ERGIC3: variants seen among roughly 807,000 people sequenced by gnomAD.
The protein encoded by ERGIC3 is endoplasmic reticulum-Golgi intermediate compartment protein 3.
Under a neutral mutation model 54.7 loss-of-function variants are expected in ERGIC3, and 33 were observed. The observed-to-expected ratio is 0.60, with a 90% CI of 0.46 to 0.81. The LOEUF is 0.81. ERGIC3 is among the 30% of genes least tolerant of loss of function. ERGIC3 has a pLI of 0.00. For missense variants in ERGIC3, 399 were observed against 488.4 expected (o/e 0.82, Z 1.73); for synonymous variants, 186 against 189.8 (o/e 0.98, Z 0.16).
At chr20:35,557,148 C>G (rs1568874025) in intron 11 of ERGIC3, 39 bp downstream of exon 11, 15 of 1,614,218 alleles carry the variant, frequency 9.3e-6, no homozygotes, top group Non-Finnish European at 1.3e-5. Context: ...GGGCCTGGGC[C>G]TGAGGGAGGA....
Position 35,548,803 on chromosome 20 carries a change from T to C in ERGIC3, c.628-5T>C. On this transcript the variant is annotated splice_polypyrimidine_tract_variant and splice_region_variant and intron_variant, in intron 6 of 12. Coordinates refer to ENST00000348547, the MANE Select transcript of ERGIC3 (RefSeq NM_015966.3). ...CCAGTGAATGAGAGAGAATGTTCCT[T>C]ACAGGTGGCCGGAAACTTCCACTTT... 6.2e-7 allele frequency: 1 copy of C among 1,614,216 alleles called. No individual in the cohort carries two copies. Among genetic ancestry groups the C allele is most frequent in the South Asian group, 1.1e-5 (1 of 91,084 alleles).
At chr20:35,543,347 T>C in intron 4 of ERGIC3, 1 of 335,410 alleles carries the variant, frequency 3.0e-6, no homozygotes, top group East Asian at 7.6e-5. Flanking sequence ...TTAATGAGAA[T>C]TTAGGTTCTC....
intron 4 of ERGIC3, chr20:35,544,015 T>TATC (rs2064632487): frequency 4.7e-5 from 1 of 21,212 alleles, no homozygotes; most frequent in Non-Finnish European, 8.3e-5. Context: ...AAGAATCTAC[T>TATC]ATCTATCTAT....
chr20:35,556,673 G>C (rs1169641918), intron 10 of ERGIC3: 4 of 519,618 alleles, frequency 7.7e-6, no homozygotes, highest in Admixed American at 6.4e-5. Context: ...AGTCAGGTCA[G>C]CCTTGGTGCG....
intron 7 of ERGIC3, chr20:35,554,767 G>A: frequency 1.7e-6 from 1 of 596,598 alleles, no homozygotes; most frequent in Non-Finnish European, 3.0e-6. Context: ...GGAGATGCAG[G>A]CAGGGCCATG....
chr20:35,548,935 T>G, intron 7 of ERGIC3, 70 bp downstream of exon 7: 1 of 1,555,706 alleles, frequency 6.4e-7, no homozygotes, highest in Non-Finnish European at 8.9e-7. Flanking sequence ...AGTGGTCCTC[T>G]TCTGCCTGCT....
In ERGIC3 at chr20:35,548,797, G is replaced by C; in HGVS notation, c.628-11G>C. On this transcript the variant is annotated splice_polypyrimidine_tract_variant and intron_variant, in intron 6 of 12. Transcript: ENST00000348547. ...ACACAGCCAGTGAATGAGAGAGAAT[G>C]TTCCTTACAGGTGGCCGGAAACTTC... The C allele has an allele frequency of 6.2e-7, 1 of 1,614,238 alleles. No homozygotes were observed.
intron 3 of ERGIC3, 54 bp from the exon 4 acceptor site, chr20:35,542,768 A>C: frequency 6.2e-7 from 1 of 1,613,512 alleles, no homozygotes; most frequent in Non-Finnish European, 8.5e-7. Flanking sequence ...TCCAAAACCC[A>C]CATCCCCTTG....
intron 7 of ERGIC3, among the ~76,000 whole-genome samples, chr20:35,553,562 AT>A: frequency 6.6e-6 from 1 of 151,592 alleles, no homozygotes; most frequent in Non-Finnish European, 1.5e-5. Context: ...GGGTATGAAG[AT>A]GGCCTCTCAA....
In ERGIC3 at chr20:35,557,527, C is replaced by T; in HGVS notation, c.*23C>T. Reference sequence around the variant, plus strand: ...TAGTCACCCTCGGTGCTTCCTCTGTCTCCTCTTTCTCCCTGGCCTGTGGTT... The same window carrying T: ...TAGTCACCCTCGGTGCTTCCTCTGTTTCCTCTTTCTCCCTGGCCTGTGGTT... On this transcript the variant is annotated 3_prime_UTR_variant, in exon 13 of 13. Coordinates refer to ENST00000348547, the MANE Select transcript of ERGIC3 (RefSeq NM_015966.3). 6.2e-7 allele frequency: 1 copy of T among 1,605,414 alleles called. No homozygotes were observed. Among genetic ancestry groups the T allele is most frequent in the African/African-American group, 1.3e-5 (1 of 74,832 alleles).
rs765543862 is a variant in ERGIC3, at chr20:35,548,877, G to A, written c.685+12G>A. On this transcript the variant is annotated intron_variant, in intron 7 of 12. Transcript: ENST00000348547. ...GTCCCATGTGCACGGTGAGTGATCT[G>A]CACTAGCTGGGGAGATTTAGATGCT... is the stretch of plus-strand genomic sequence containing the variant. 1 of 1,613,990 alleles carries A rather than the reference G, an allele frequency of 6.2e-7. No individual in the cohort carries two copies. Among genetic ancestry groups the A allele is most frequent in the African/African-American group, 1.3e-5 (1 of 75,060 alleles).
intron 4 of ERGIC3, 145 bp downstream of exon 4, chr20:35,543,086 G>T (rs2064626627): frequency 2.2e-5 from 26 of 1,168,358 alleles, no homozygotes; most frequent in Non-Finnish European, 3.0e-5. Context: ...GGGTCCCCCA[G>T]CTAGTAAGAG....
rs1055419495 is a variant in ERGIC3 at position 35,542,160 on chromosome 20, G to A, written c.63G>A (p.Arg21=). The A allele has an allele frequency of 1.9e-6, 3 of 1,579,614 alleles. No homozygotes were observed. The African/African-American group carries it at 4.0e-5, about 21-fold the overall frequency. ...DAYPKTLEDF[R]VKTCGGATVT... Reference sequence around the variant, plus strand: ...ACCCCAAGACTTTGGAGGACTTCCGGGTCAAGACCTGCGGGGGCGCCACCG... The same window carrying A: ...ACCCCAAGACTTTGGAGGACTTCCGAGTCAAGACCTGCGGGGGCGCCACCG... The change falls in exon 1 of 13, where the codon CGG becomes CGA. Residue 21 remains arginine, a synonymous_variant. Coordinates refer to ENST00000348547, the MANE Select transcript of ERGIC3 (RefSeq NM_015966.3).
intron 7 of ERGIC3, among the ~76,000 whole-genome samples, chr20:35,550,608 T>A (rs1051394907): frequency 9.2e-5 from 14 of 151,942 alleles, no homozygotes; most frequent in African/African-American, 3.4e-4. Context: ...AGAGTGAGAC[T>A]CCATTTCAAA....
Position 35,557,122 on chromosome 20 carries a change from G to T in ERGIC3, c.1016+13G>T, listed in dbSNP as rs1370589357. 1.9e-6 allele frequency: 3 copies of T among 1,614,100 alleles called. No homozygotes were observed. In the African/African-American group the frequency reaches 4.0e-5, roughly 22 times the overall value. ...CGGAGAAGCACAGGTGAGGATGGGG[G>T]CAAAGCGGCCTCTGGGGGCCTGGGC... On this transcript the variant is annotated intron_variant, in intron 11 of 12. Transcript: ENST00000348547.
chr20:35,548,886 G>A (rs780777706), intron 7 of ERGIC3, 21 bp downstream of exon 7: 5 of 1,613,914 alleles, frequency 3.1e-6, no homozygotes, highest in Non-Finnish European at 3.4e-6. Context: ...TGCACTAGCT[G>A]GGGAGATTTA....
chr20:35,553,482 G>T (rs1006739898), intron 7 of ERGIC3, among the ~76,000 whole-genome samples: 3 of 152,104 alleles, frequency 2.0e-5, no homozygotes, highest in Admixed American at 6.6e-5. Flanking sequence ...GGGGTTGAAG[G>T]CAGGGTTGGG....
intron 4 of ERGIC3, among the ~76,000 whole-genome samples, chr20:35,545,558 ACT>A (rs1243026698): frequency 1.3e-5 from 2 of 149,308 alleles, no homozygotes; most frequent in Non-Finnish European, 3.0e-5. Context: ...CAAGAGTGAA[ACT>A]CTGTCTCAAC....
intron 3 of ERGIC3, 93 bp downstream of exon 3, chr20:35,542,693 C>A: frequency 6.3e-7 from 1 of 1,597,572 alleles, no homozygotes; most frequent in Non-Finnish European, 8.6e-7. Context: ...CTGGACTGGA[C>A]CCCAGGACAA....
Sources: allele counts gnomAD v4.1 joint callset (sites outside exome capture counted in the v4.1 genomes callset), GRCh38; gene constraint gnomAD v4.1.1; transcripts MANE v1.5; gene names NCBI Gene and HGNC (gene_info 2026-07-23, HGNC 2026-07-21).